Variants in PCDHAC1 observed in about 807,000 individuals in gnomAD.
The protein encoded by PCDHAC1 is protocadherin alpha-C1.
In PCDHAC1, 42 loss-of-function variants were observed where a neutral mutation model predicts 60.0. The ratio of observed to expected loss-of-function variants is 0.70; its 90% CI spans 0.55 to 0.90. The LOEUF is 0.90. Ranked by LOEUF, PCDHAC1 falls within the 40% of genes least tolerant of loss-of-function variation. PCDHAC1 has a pLI of 0.00. For synonymous variants in PCDHAC1, 468 were observed against 499.3 expected, an observed-to-expected ratio of 0.94 and a Z score of 0.84; for missense variants, 1,160 against 1,222.3, an observed-to-expected ratio of 0.95 and a Z score of 0.76.
chr5:140,993,694 T>C (rs1192686372), intron 3 of PCDHAC1, among the ~76,000 whole-genome samples: 1 of 152,186 alleles, frequency 6.6e-6, no homozygotes, highest in African/African-American at 2.4e-5. Flanking sequence ...TCCCATAAGA[T>C]TGTAATACCA....
chr5:140,954,405 G>T (rs246023), intron 1 of PCDHAC1, among the ~76,000 whole-genome samples: 85,299 of 151,648 alleles, frequency 0.56, 24,568 homozygotes, highest in African/African-American at 0.69. Context: ...CCACCAACAG[G>T]GTAAAGGTGT....
intron 1 of PCDHAC1, among the ~76,000 whole-genome samples, chr5:140,945,397 A>G (rs2093784345): frequency 6.6e-6 from 1 of 152,132 alleles, no homozygotes; most frequent in Admixed American, 6.5e-5. Context: ...TACAAATTCA[A>G]TACAATTCGT....
intron 1 of PCDHAC1, chr5:140,969,615 G>A (rs1417453925): frequency 3.6e-5 from 26 of 714,726 alleles, no homozygotes; most frequent in Non-Finnish European, 5.5e-5. Flanking sequence ...ACACAGATTT[G>A]TAGAGAAACA....
rs782506310 is a variant in PCDHAC1, at chr5:140,928,304, AC to A, written c.1416del (p.Asp473ThrfsTer53). The A allele has an allele frequency of 6.1e-5, 98 of 1,613,908 alleles. No homozygotes were observed. Among genetic ancestry groups the A allele is most frequent in the Non-Finnish European group, 7.9e-5 (93 of 1,180,032 alleles). On this transcript the variant is annotated frameshift_variant, in exon 1 of 4. Transcript: ENST00000253807. LOFTEE classifies it high-confidence loss of function. ...TCTCTAGGCCGAGTGTTTGCCCAGG[AC>A]CCCGACCTGGGGAAGAATGGCCTTG... The part of the protein sequence containing the change: ...GASLGRVFAQ[D>X]PDLGKNGLVS...
chr5:141,005,664 T>G (rs1554260244), intron 3 of PCDHAC1, among the ~76,000 whole-genome samples: 1 of 122,102 alleles, frequency 8.2e-6, no homozygotes. Flanking sequence ...ATCGCGCCAC[T>G]GCACTCCAGC....
At chr5:140,968,228 C>T in intron 1 of PCDHAC1, 1 of 1,614,010 alleles carries the variant, frequency 6.2e-7, no homozygotes, top group East Asian at 2.2e-5. Flanking sequence ...AGGTGTGTTG[C>T]TCTGTACTGT....
At chr5:140,983,771 A>G (rs963720761) in intron 3 of PCDHAC1, among the ~76,000 whole-genome samples, 2 of 152,222 alleles carry the variant, frequency 1.3e-5, no homozygotes, top group Admixed American at 6.5e-5. Flanking sequence ...ATACATATCT[A>G]CATACATAAC....
rs2154002003 is a variant in PCDHAC1, at chr5:141,010,389, G to GAC, written c.*453_*454dup. The stretch of plus-strand genomic sequence containing the variant: ...TATGCGAGTGCCAGATATTGGCTGA[G>GAC]ACGAGCCAGCTTAGACTAATTGGTA... On this transcript the variant is annotated 3_prime_UTR_variant, in exon 4 of 4. Coordinates refer to ENST00000253807, the MANE Select transcript of PCDHAC1 (RefSeq NM_018898.5). 1.4e-6 allele frequency: 2 copies of GAC among 1,400,314 alleles called. No individual in the cohort carries two copies. The highest frequency in any genetic ancestry group is 5.0e-5 in the East Asian group (2 of 40,030). The allele number at this position is 1,400,314 out of a possible 1,614,324, so 86.7% of individuals were successfully genotyped here. A position where few individuals can be genotyped will look rare whatever the true frequency, so the allele number is the denominator to read the frequency against.
At chr5:140,994,394 T>G (rs1332946220) in intron 3 of PCDHAC1, among the ~76,000 whole-genome samples, 3 of 152,110 alleles carry the variant, frequency 2.0e-5, no homozygotes, top group African/African-American at 7.2e-5. Flanking sequence ...AGTCAGAGAT[T>G]ATTTGACATT....
rs551245842 is a variant in PCDHAC1, at chr5:140,927,508, C to G, written c.616C>G (p.Arg206Gly). 3.7e-6 allele frequency: 6 copies of G among 1,614,074 alleles called. No individual in the cohort carries two copies. In the Admixed American group the frequency reaches 5.0e-5, roughly 13 times the overall value. ...CACCCACCTGCTGGTGCTTACAGCT[C>G]GGGACGGCGGGCTACCTGCCCGCTC... ...RATHLLVLTA[R>G]DGGLPARSGD... is the part of the protein sequence containing the mutation. Residue 206 changes from arginine (R) to glycine (G), a missense_variant, in exon 1 of 4, where the codon CGG (arginine) becomes GGG (glycine). Physicochemically the swap from Arg to Gly is moderately radical, Grantham distance 125. This residue lies in a region of PCDHAC1 where 1,113 missense variants were observed against 1,163.7 expected (regional missense o/e 0.96). Coordinates refer to ENST00000253807, the MANE Select transcript of PCDHAC1 (RefSeq NM_018898.5).
intron 1 of PCDHAC1, among the ~76,000 whole-genome samples, chr5:140,941,202 C>CCTTCCTTTCTTTCTTT (rs1554213920): frequency 7.0e-4 from 86 of 122,822 alleles, no homozygotes; most frequent in Admixed American, 2.1e-3. Context: ...TTTCTTTCTT[C>CCTTCCTTTCTTTCTTT]CTTTCTTTCT....
In PCDHAC1 at chr5:140,927,754, C is replaced by T. The variant is rs1554205003; in HGVS notation, c.862C>T (p.Pro288Ser). 1 of 1,614,030 alleles carries T rather than the reference C, an allele frequency of 6.2e-7. No homozygotes were observed. The highest frequency in any genetic ancestry group is 1.3e-5 in the African/African-American group (1 of 74,902). The change falls in exon 1 of 4, where the codon CCT becomes TCT. Residue 288 changes from proline (P) to serine (S), a missense_variant. Coordinates refer to ENST00000253807, the MANE Select transcript of PCDHAC1 (RefSeq NM_018898.5). Reference protein sequence around the residue: ...AELRHRFHVHPKSGEVQVAAS... With the variant: ...AELRHRFHVHSKSGEVQVAAS... ...GCTGCGACACCGCTTTCACGTGCACCCTAAAAGTGGGGAGGTGCAAGTAGC... is the reference window on the plus strand; with the variant it reads ...GCTGCGACACCGCTTTCACGTGCACTCTAAAAGTGGGGAGGTGCAAGTAGC...
Position 141,011,828 on chromosome 5 carries a change from T to C in PCDHAC1, c.*1891T>C, listed in dbSNP as rs76856184. The C allele has an allele frequency of 2.5e-3, 389 of 153,920 alleles. 1 individual carries two copies. Among genetic ancestry groups the C allele is most frequent in the African/African-American group, 9.1e-3 (378 of 41,598 alleles). The allele number at this position is 153,920 out of a possible 1,614,324, so 9.5% of individuals were successfully genotyped here. ...GCTCATAGAAAGTAACAAAATTTGC[T>C]GTCACCTTAAATAAGACATTTTAAT... On this transcript the variant is annotated 3_prime_UTR_variant, in exon 4 of 4. Transcript: ENST00000253807.
chr5:140,985,163 T>G (rs1045171380), intron 3 of PCDHAC1, among the ~76,000 whole-genome samples: 7 of 152,096 alleles, frequency 4.6e-5, no homozygotes, highest in South Asian at 2.1e-4. Flanking sequence ...TGTCTCAATC[T>G]CCTGACCTCG....
intron 1 of PCDHAC1, among the ~76,000 whole-genome samples, chr5:140,952,541 T>G (rs1554220493): frequency 6.6e-6 from 1 of 152,140 alleles, no homozygotes; most frequent in African/African-American, 2.4e-5. Flanking sequence ...CTGGACTTCT[T>G]TGTCCATTTC....
In PCDHAC1 at chr5:140,996,798, A is replaced by G. The variant is rs528740592; in HGVS notation, c.2582-12829A>G. Among the ~76,000 whole-genome samples, 4 of 152,268 alleles carry G rather than the reference A, an allele frequency of 2.6e-5. No individual in the cohort carries two copies. In the East Asian group the frequency reaches 5.8e-4, roughly 22 times the overall value. ...AGTAGTGCCTCACTCCCTACATCCA[A>G]TCATGCTTTCCAAAAGTAACCACTA... On this transcript the variant is annotated intron_variant, in intron 3 of 3. Coordinates refer to ENST00000253807, the MANE Select transcript of PCDHAC1 (RefSeq NM_018898.5).
At position 140,929,021 on chromosome 5, in the gene PCDHAC1, G is replaced by C. The variant is rs782118774; in HGVS notation, c.2129G>C (p.Ser710Thr). Residue 710 changes from serine to threonine, a missense_variant, in exon 1 of 4, where the codon AGC becomes ACC. This residue lies in a region of PCDHAC1 where 1,113 missense variants were observed against 1,163.7 expected (regional missense o/e 0.96). Coordinates refer to ENST00000253807, the MANE Select transcript of PCDHAC1 (RefSeq NM_018898.5). Reference protein sequence around the residue: ...LFFVCTKLHQSPGCCAQSCCR... With the variant: ...LFFVCTKLHQTPGCCAQSCCR... ...TTCGTGTGTACCAAGTTGCACCAGA[G>C]CCCAGGCTGTTGCGCTCAGAGCTGC... is the stretch of plus-strand genomic sequence containing the variant. The C allele has an allele frequency of 2.5e-6, 4 of 1,614,072 alleles. No individual in the cohort carries two copies. The African/African-American group carries it at 5.3e-5, about 22-fold the overall frequency.
In PCDHAC1 at chr5:140,928,350, T is replaced by C. The variant is rs144619371; in HGVS notation, c.1458T>C (p.Asp486=). The C allele has an allele frequency of 1.3e-5, 21 of 1,614,098 alleles. No homozygotes were observed. The African/African-American group carries it at 2.1e-4, about 16-fold the overall frequency. Residue 486 remains aspartate, a synonymous_variant, in exon 1 of 4, where the codon GAT becomes GAC. Coordinates refer to ENST00000253807, the MANE Select transcript of PCDHAC1 (RefSeq NM_018898.5). The part of the protein sequence containing the change: ...KNGLVSYELL[D]VISEGPSASS... ...GCCTTGTCTCTTATGAGCTGTTGGA[T>C]GTTATCTCTGAAGGGCCATCAGCCT...
intron 3 of PCDHAC1, among the ~76,000 whole-genome samples, chr5:140,990,831 A>G (rs1004872074): frequency 6.6e-6 from 1 of 152,192 alleles, no homozygotes; most frequent in Non-Finnish European, 1.5e-5. Context: ...GCTAAAGCCT[A>G]TTAGCAAAAA....
Sources: allele counts gnomAD v4.1 joint callset (sites outside exome capture counted in the v4.1 genomes callset), GRCh38; gene constraint gnomAD v4.1.1; regional missense constraint gnomAD v4.1.1; transcripts MANE v1.5; gene names NCBI Gene and HGNC (gene_info 2026-07-23, HGNC 2026-07-21).